The following MTO1 variants were observed in gnomAD, a reference collection of about 807,000 sequenced individuals.
The protein encoded by MTO1 is mitochondrial tRNA translation optimization 1.
Under a neutral mutation model 71.6 loss-of-function variants are expected in MTO1, and 46 were observed. The observed-to-expected ratio is 0.64, with a 90% CI of 0.51 to 0.82. The LOEUF is 0.82. Among genes scored for constraint, MTO1 ranks in the 40% least tolerant of loss-of-function variants. The pLI is 0.00. For missense variants in MTO1, 773 were observed against 867.5 expected (o/e 0.89, Z 1.37); for synonymous variants, 297 against 312.1 (o/e 0.95, Z 0.51).
At chr6:73,492,428 T>C in intron 10 of MTO1, 76 bp downstream of exon 10, 1 of 1,011,934 alleles carries the variant, frequency 9.9e-7, no homozygotes. Context: ...CCATTATTAC[T>C]GTTGGACCAG....
Position 73,480,059 on chromosome 6 carries a change from A to C in MTO1, c.1062A>C (p.Pro354=), listed in dbSNP as rs1060504378. The part of the protein sequence containing the change: ...IYPQGLSMTL[P]AELQEKMITC... ...CACAGGGGTTATCTATGACGCTACCAGCTGAGTTACAAGAGAAAATGATCA... is the reference window on the plus strand; with the variant it reads ...CACAGGGGTTATCTATGACGCTACCCGCTGAGTTACAAGAGAAAATGATCA... Residue 354 remains proline, a synonymous_variant, in exon 6 of 12, where the codon CCA becomes CCC. Transcript: ENST00000498286. The C allele has an allele frequency of 2.5e-6, 4 of 1,614,230 alleles. No individual in the cohort carries two copies. Among genetic ancestry groups the C allele is most frequent in the Non-Finnish European group, 3.4e-6 (4 of 1,180,040 alleles).
chr6:73,464,172 A>AT (rs1770910256), intron 1 of MTO1: 1 of 152,190 alleles, frequency 6.6e-6, no homozygotes, highest in Admixed American at 6.6e-5. Flanking sequence ...AGTGTTCCAT[A>AT]TTTTTAAAAA....
rs1410440221 is a variant in MTO1 at position 73,505,654 on chromosome 6, C to G, written c.*4919C>G. ...CACTGCAACCTCTGCCTCCTAGGTTCAAATGATTCTTCTGCCTCAGTCTCC... is the reference window on the plus strand; with the variant it reads ...CACTGCAACCTCTGCCTCCTAGGTTGAAATGATTCTTCTGCCTCAGTCTCC... On this transcript the variant is annotated 3_prime_UTR_variant, in exon 12 of 12. Coordinates refer to ENST00000498286, the MANE Select transcript of MTO1 (RefSeq NM_012123.4). 1 of 152,156 alleles carries G rather than the reference C, an allele frequency of 6.6e-6. No individual in the cohort carries two copies. Among genetic ancestry groups the G allele is most frequent in the African/African-American group, 2.4e-5 (1 of 41,446 alleles). The allele number at this position is 152,156 out of a possible 1,614,324, so 9.4% of individuals were successfully genotyped here. A position where few individuals can be genotyped will look rare whatever the true frequency, so the allele number is the denominator to read the frequency against.
At chr6:73,475,182 C>T (rs1337760326) in intron 4 of MTO1, among the ~76,000 whole-genome samples, 5 of 151,504 alleles carry the variant, frequency 3.3e-5, no homozygotes, top group African/African-American at 9.7e-5. Flanking sequence ...AGGCTGGTCT[C>T]GTACTCCTGA....
In MTO1 at chr6:73,495,319, G is replaced by A. The variant is rs534931861; in HGVS notation, c.1757-2417G>A. On this transcript the variant is annotated intron_variant, in intron 10 of 11. Transcript: ENST00000498286. ...TTTACCATCACAATTTCTCTATTGAGTAAAAATTTCTTTATTAAACACTTA... is the reference window on the plus strand; with the variant it reads ...TTTACCATCACAATTTCTCTATTGAATAAAAATTTCTTTATTAAACACTTA... Among the ~76,000 whole-genome samples the A allele has an allele frequency of 2.8e-3, 420 of 152,290 alleles. 1 individual carries two copies. Among genetic ancestry groups the A allele is most frequent in the Middle Eastern group, 0.01 (3 of 294 alleles).
At chr6:73,489,278 C>CTT (rs35006239) in intron 9 of MTO1, among the ~76,000 whole-genome samples, 2,136 of 143,470 alleles carry the variant, frequency 0.015, 18 homozygotes, top group Middle Eastern at 0.04. Context: ...TTCTTTTTTT[C>CTT]TTTTTTTTTT....
At chr6:73,486,745 A>G (rs972345183) in intron 9 of MTO1, 1 of 260,234 alleles carries the variant, frequency 3.8e-6, no homozygotes, top group African/African-American at 2.3e-5. Flanking sequence ...CTCAAAAAAA[A>G]AGAAAAGACT....
At chr6:73,480,162 C>G in intron 6 of MTO1, 36 bp downstream of exon 6, 1 of 1,600,628 alleles carries the variant, frequency 6.2e-7, no homozygotes, top group Non-Finnish European at 8.6e-7. Flanking sequence ...AGTATAAGGT[C>G]AGCATTGTTT....
chr6:73,476,267 G>A (rs1306859652), intron 4 of MTO1, among the ~76,000 whole-genome samples: 1 of 151,086 alleles, frequency 6.6e-6, no homozygotes, highest in Non-Finnish European at 1.5e-5. Flanking sequence ...CCAGCTACTC[G>A]GGAGGCTGAG....
At chr6:73,487,503 G>A (rs1216663642) in intron 9 of MTO1, 2 of 146,300 alleles carry the variant, frequency 1.4e-5, no homozygotes, top group Non-Finnish European at 3.0e-5. Context: ...TTTTTTGAGT[G>A]TATACCCAGA....
At position 73,500,240 on chromosome 6, in the gene MTO1, A is replaced by G. The variant is rs143871101; in HGVS notation, c.1918-334A>G. ...TGGCCTCAAGAATTTCAAATAAGGG[A>G]CTGTGGACCTGTATTTGAAGAAAGG... On this transcript the variant is annotated intron_variant, in intron 11 of 11. Coordinates refer to ENST00000498286, the MANE Select transcript of MTO1 (RefSeq NM_012123.4). Among the ~76,000 whole-genome samples, 4 of 152,230 alleles carry G rather than the reference A, an allele frequency of 2.6e-5. No individual in the cohort carries two copies. In the East Asian group the frequency reaches 7.7e-4, roughly 29 times the overall value.
intron 11 of MTO1, among the ~76,000 whole-genome samples, 182 bp downstream of exon 11, chr6:73,498,078 T>C (rs1772046012): frequency 6.6e-6 from 1 of 152,052 alleles, no homozygotes. Flanking sequence ...CTGGGCATGG[T>C]GGCATGCACC....
At chr6:73,469,600 C>A (rs750607543) in intron 3 of MTO1, among the ~76,000 whole-genome samples, 10 of 148,502 alleles carry the variant, frequency 6.7e-5, no homozygotes, top group Non-Finnish European at 1.2e-4. Context: ...CCAGCCTGGG[C>A]GACAAGAGTG....
At chr6:73,476,774 G>A (rs1343975975) in intron 4 of MTO1, among the ~76,000 whole-genome samples, 6 of 151,658 alleles carry the variant, frequency 4.0e-5, no homozygotes, top group Admixed American at 2.6e-4. Flanking sequence ...TACGATGCAG[G>A]GACAATAAAA....
At chr6:73,479,620 T>A (rs900206493) in intron 4 of MTO1, 112 bp from the exon 5 acceptor site, 4 of 732,744 alleles carry the variant, frequency 5.5e-6, no homozygotes, top group Middle Eastern at 4.0e-4. Flanking sequence ...CTAGGCATTA[T>A]GCACAAGTTT....
chr6:73,489,278 CTTTTTTT>C lies in MTO1; in HGVS notation c.1638-2950_1638-2944del, dbSNP rs35006239. On this transcript the variant is annotated intron_variant, in intron 9 of 11. Coordinates refer to ENST00000498286, the MANE Select transcript of MTO1 (RefSeq NM_012123.4). ...GTTTATTTCTGGGTTTTCTTTTTTT[CTTTTTTT>C]TTTTTGTATATTATTATACTTTTAA... is the stretch of plus-strand genomic sequence containing the variant. 3.8e-3 allele frequency among the ~76,000 whole-genome samples: 552 copies of C among 143,496 alleles called. 5 individuals carry two copies. Among genetic ancestry groups the C allele is most frequent in the African/African-American group, 0.013 (528 of 39,262 alleles). The allele number at this position is 143,496 out of a possible 152,430, so 94.1% of individuals were successfully genotyped here.
rs1400451238 is a variant in MTO1 at position 73,502,487 on chromosome 6, C to G, written c.*1752C>G. Reference sequence around the variant, plus strand: ...AAGGTATTTTGTGTTTTTGTGCTACCCGTTCAGCAAAATAATGAAATTCAT... The same window carrying G: ...AAGGTATTTTGTGTTTTTGTGCTACGCGTTCAGCAAAATAATGAAATTCAT... On this transcript the variant is annotated 3_prime_UTR_variant, in exon 12 of 12. Transcript: ENST00000498286. 6.6e-6 allele frequency: 1 copy of G among 151,934 alleles called. No individual in the cohort carries two copies. The highest frequency in any genetic ancestry group is 1.5e-5 in the Non-Finnish European group (1 of 67,980). The allele number at this position is 151,934 out of a possible 1,614,324, so 9.4% of individuals were successfully genotyped here.
intron 4 of MTO1, among the ~76,000 whole-genome samples, chr6:73,479,263 G>A (rs1365670998): frequency 2.0e-5 from 3 of 152,012 alleles, no homozygotes; most frequent in African/African-American, 7.2e-5. Flanking sequence ...GGGAGGCTGA[G>A]GCAGGTGGAT....
At chr6:73,490,664 T>C (rs1169796931) in intron 9 of MTO1, among the ~76,000 whole-genome samples, 1 of 152,102 alleles carries the variant, frequency 6.6e-6, no homozygotes, top group Non-Finnish European at 1.5e-5. Flanking sequence ...CAAAATTGTT[T>C]TGATTATTTG....
Sources: allele counts gnomAD v4.1 joint callset (sites outside exome capture counted in the v4.1 genomes callset), GRCh38; gene constraint gnomAD v4.1.1; transcripts MANE v1.5; gene names NCBI Gene and HGNC (gene_info 2026-07-23, HGNC 2026-07-21).